The following STAM2 variants were observed in gnomAD, a reference collection of about 807,000 sequenced individuals.
The protein encoded by STAM2 is signal transducing adapter molecule 2.
STAM2 carries 51 observed loss-of-function variants against 65.6 expected under a neutral mutation model. The ratio of observed to expected loss-of-function variants is 0.78; its 90% CI spans 0.62 to 0.98. STAM2 has a LOEUF of 0.98. Ranked by LOEUF, STAM2 falls within the 50% of genes least tolerant of loss-of-function variation. STAM2 has a pLI of 0.00. For synonymous variants in STAM2, 198 were observed against 208.4 expected, an observed-to-expected ratio of 0.95 and a Z score of 0.43; for missense variants, 584 against 617.8, an observed-to-expected ratio of 0.95 and a Z score of 0.58.
At chr2:152,129,530 T>C (rs562561301) in intron 11 of STAM2, among the ~76,000 whole-genome samples, 65 of 152,220 alleles carry the variant, frequency 4.3e-4, no homozygotes, top group Non-Finnish European at 8.8e-4. Context: ...TAAATTGTCA[T>C]AGTTTCTGCC....
chr2:152,146,271 CAAA>C (rs201803866), intron 5 of STAM2, among the ~76,000 whole-genome samples: 2 of 97,174 alleles, frequency 2.1e-5, no homozygotes, highest in African/African-American at 3.9e-5. Context: ...AACTCCATCT[CAAA>C]AAAAAAAAAA....
chr2:152,174,625 T>C (rs1436668134), intron 1 of STAM2, among the ~76,000 whole-genome samples: 2 of 152,202 alleles, frequency 1.3e-5, no homozygotes, highest in African/African-American at 4.8e-5. Context: ...AGTATTCTTC[T>C]GAGTCTCCCC....
chr2:152,144,459 T>C (rs1440782164), intron 6 of STAM2, among the ~76,000 whole-genome samples: 1 of 152,228 alleles, frequency 6.6e-6, no homozygotes, highest in Non-Finnish European at 1.5e-5. Flanking sequence ...TTTTGGATGC[T>C]ACTAGTTTTT....
chr2:152,148,054 T>C lies in STAM2; in HGVS notation c.270A>G (p.Ala90=), dbSNP rs1476354004. Reference sequence around the variant, plus strand: ...TTTTAATCACAGCACGTACTTCTGTTGCAAAATCACGGGAACATACTTCTA... The same window carrying C: ...TTTTAATCACAGCACGTACTTCTGTCGCAAAATCACGGGAACATACTTCTA... The part of the protein sequence containing the change: ...FHLEVCSRDF[A]TEVRAVIKNK... The change falls in exon 4 of 14, where the codon GCA becomes GCG. Residue 90 remains alanine, a synonymous_variant. Coordinates refer to ENST00000263904, the MANE Select transcript of STAM2 (RefSeq NM_005843.6). 1.2e-6 allele frequency: 2 copies of C among 1,610,786 alleles called. No homozygotes were observed.
chr2:152,174,187 GAAGAA>G (rs1251212589), intron 1 of STAM2, among the ~76,000 whole-genome samples: 1 of 152,152 alleles, frequency 6.6e-6, no homozygotes, highest in African/African-American at 2.4e-5. Context: ...AATTTATATT[GAAGAA>G]AAGAATTCAC....
chr2:152,120,714 G>C lies in STAM2; in HGVS notation c.1438C>G (p.Gln480Glu), dbSNP rs745855900. The C allele has an allele frequency of 1.2e-5, 20 of 1,614,028 alleles. No homozygotes were observed. The highest frequency in any genetic ancestry group is 1.7e-5 in the Non-Finnish European group (20 of 1,180,024). ...GACATATCCACAGACATCCCCATTT[G>C]CTGTGTGTAAGCAGTTGTACCAGTA... Reference protein sequence around the residue: ...SATGTTAYTQQMGMSVDMSSY... With the variant: ...SATGTTAYTQEMGMSVDMSSY... The change falls in exon 14 of 14, where the codon CAA becomes GAA. Residue 480 changes from glutamine (Q) to glutamate (E), a missense_variant. Coordinates refer to ENST00000263904, the MANE Select transcript of STAM2 (RefSeq NM_005843.6).
chr2:152,143,877 GT>G lies in STAM2; in HGVS notation c.653del (p.Asp218AlafsTer11). ...RALYDFEAVE[D>X]NELTFKHGEI... ...CACCATGTTTAAAGGTGAGTTCATT[GT>G]CCTCAACAGCTTCAAAATCATATAA... On this transcript the variant is annotated frameshift_variant, in exon 7 of 14. Coordinates refer to ENST00000263904, the MANE Select transcript of STAM2 (RefSeq NM_005843.6). LOFTEE classifies it high-confidence loss of function. The G allele has an allele frequency of 1.2e-6, 2 of 1,613,556 alleles. No homozygotes were observed. Among genetic ancestry groups the G allele is most frequent in the South Asian group, 2.2e-5 (2 of 90,998 alleles).
chr2:152,143,622 T>C (rs1416159347), intron 7 of STAM2, among the ~76,000 whole-genome samples: 2 of 152,232 alleles, frequency 1.3e-5, no homozygotes, highest in Non-Finnish European at 2.9e-5. Flanking sequence ...ATCCAAGATA[T>C]AAATTATCAA....
At chr2:152,161,737 G>C (rs1001842573) in intron 1 of STAM2, among the ~76,000 whole-genome samples, 2 of 152,016 alleles carry the variant, frequency 1.3e-5, no homozygotes, top group Non-Finnish European at 1.5e-5. Context: ...TGTTCTGTTT[G>C]GGTTAATGTT....
rs575009275 is a variant in STAM2, at chr2:152,159,110, T to TATATATAC, written c.41-8882_41-8881insGTATATAT. 2.2e-3 allele frequency among the ~76,000 whole-genome samples: 281 copies of TATATATAC among 129,268 alleles called. 18 individuals are homozygous for TATATATAC. The highest frequency in any genetic ancestry group is 8.6e-3 in the African/African-American group (264 of 30,774). The allele number at this position is 129,268 out of a possible 152,430, so 84.8% of individuals were successfully genotyped here. A position where few individuals can be genotyped will look rare whatever the true frequency, so the allele number is the denominator to read the frequency against. On this transcript the variant is annotated intron_variant, in intron 1 of 13. Transcript: ENST00000263904. ...AAAAAAAACCATATATATATATATATACACACACAGATATATATAATTTTT... is the reference window on the plus strand; with the variant it reads ...AAAAAAAACCATATATATATATATATATATATACACACACACAGATATATATAATTTTT...
intron 11 of STAM2, among the ~76,000 whole-genome samples, chr2:152,127,282 T>G (rs1201926539): frequency 2.6e-5 from 4 of 152,320 alleles, no homozygotes; most frequent in Non-Finnish European, 5.9e-5. Context: ...AATCCTCTAC[T>G]GGTGACAATA....
intron 1 of STAM2, among the ~76,000 whole-genome samples, chr2:152,153,629 G>A (rs890684293): frequency 3.1e-4 from 47 of 152,158 alleles, no homozygotes; most frequent in African/African-American, 1.1e-3. Flanking sequence ...TCTAAATCCA[G>A]GCACCAAATG....
intron 1 of STAM2, among the ~76,000 whole-genome samples, chr2:152,172,491 C>T (rs1290687918): frequency 6.6e-6 from 1 of 152,128 alleles, no homozygotes; most frequent in Non-Finnish European, 1.5e-5. Flanking sequence ...AGAGATTAAT[C>T]TTTAAAGGCC....
Position 152,174,780 on chromosome 2 carries a change from C to A in STAM2, c.40+823G>T, listed in dbSNP as rs1022704922. Among the ~76,000 whole-genome samples the A allele has an allele frequency of 3.9e-5, 6 of 152,168 alleles. No individual in the cohort carries two copies. The South Asian group carries it at 1.2e-3, about 31-fold the overall frequency. On this transcript the variant is annotated intron_variant, in intron 1 of 13. Coordinates refer to ENST00000263904, the MANE Select transcript of STAM2 (RefSeq NM_005843.6). ...AGGCTGAGGTGGGAGGAATTCTAGT[C>A]GCACCTGGGCAACATAGTGAGACCC...
At chr2:152,136,896 T>C (rs1053824453) in intron 7 of STAM2, among the ~76,000 whole-genome samples, 12 of 146,848 alleles carry the variant, frequency 8.2e-5, no homozygotes, top group Admixed American at 1.4e-4. Flanking sequence ...ATTTTTCTTT[T>C]TTTTTTTTTT....
intron 1 of STAM2, among the ~76,000 whole-genome samples, chr2:152,160,457 C>T (rs1287172568): frequency 6.6e-5 from 10 of 151,890 alleles, no homozygotes; most frequent in South Asian, 4.2e-4. Flanking sequence ...GCCTGGCAAC[C>T]GCCCCGTCTG....
chr2:152,160,869 G>A (rs1579332490), intron 1 of STAM2, among the ~76,000 whole-genome samples: 1 of 150,764 alleles, frequency 6.6e-6, no homozygotes. Flanking sequence ...GTCCGGGAGG[G>A]AGGTGGGGGG....
chr2:152,126,414 AGT>A, intron 11 of STAM2, 35 bp from the exon 12 acceptor site: 2 of 1,282,640 alleles, frequency 1.6e-6, no homozygotes, highest in Non-Finnish European at 2.1e-6. Flanking sequence ...ATACTCTTCT[AGT>A]TTTTAGCATG....
intron 1 of STAM2, among the ~76,000 whole-genome samples, chr2:152,164,767 G>A (rs1689746424): frequency 6.6e-6 from 1 of 152,118 alleles, no homozygotes; most frequent in Admixed American, 6.5e-5. Context: ...TTTCTGGGGC[G>A]ACTAGGAGGA....
Sources: gnomAD v4.1 joint callset for allele counts (sites outside exome capture counted in the v4.1 genomes callset) on GRCh38, gnomAD v4.1.1 for gene constraint, MANE v1.5 for transcripts, NCBI Gene and HGNC (gene_info 2026-07-23, HGNC 2026-07-21) for gene names.